Variants in IKBKB observed in about 807,000 individuals in gnomAD.
IKBKB encodes inhibitor of nuclear factor kappa-B kinase subunit beta.
A neutral mutation model predicts 113.6 loss-of-function variants in IKBKB; 42 were observed. That is an observed-to-expected ratio of 0.37 (90% CI 0.29 to 0.48). IKBKB has a LOEUF of 0.48. IKBKB is among the 20% of genes least tolerant of loss of function. The pLI, the probability that IKBKB is intolerant of heterozygous loss-of-function variation, is 0.99. For missense variants in IKBKB, 673 were observed against 939.7 expected (o/e 0.72, Z 3.71); for synonymous variants, 296 against 361.3 (o/e 0.82, Z 2.05).
chr8:42,295,706 C>A (rs1813640054), intron 5 of IKBKB, among the ~76,000 whole-genome samples: 1 of 151,220 alleles, frequency 6.6e-6, no homozygotes, highest in African/African-American at 2.4e-5. Context: ...CGCCTGGTGA[C>A]AGAGTGAGAC....
In IKBKB at chr8:42,309,034, G is replaced by T. The variant is rs1563341045; in HGVS notation, c.692+9G>T. ...TGGCAGCCCGTGCAGTGGTGAGTGG[G>T]CCCGGGGCACCTGGATGGAGGAGGG... On this transcript the variant is annotated intron_variant, in intron 8 of 21. Transcript: ENST00000520810. The T allele has an allele frequency of 6.2e-7, 1 of 1,612,056 alleles. No individual in the cohort carries two copies. Among genetic ancestry groups the T allele is most frequent in the Admixed American group, 1.7e-5 (1 of 59,846 alleles).
chr8:42,271,444 CCCCTGCCCCGCGT>C lies in IKBKB; in HGVS notation c.-36_-24del. ...GCCTTCCCCGCCCCGGGGAGCCCGC[CCCCTGCCCCGCGT>C]CCCTGCCGACAGGTGAGTCCCCCTC... On this transcript the variant is annotated 5_prime_UTR_variant, in exon 1 of 22. An upstream open reading frame in the 5' UTR loses its in-frame stop. Coordinates refer to ENST00000520810, the MANE Select transcript of IKBKB (RefSeq NM_001556.3). The C allele has an allele frequency of 7.0e-7, 1 of 1,427,502 alleles. No individual in the cohort carries two copies. The highest frequency in any genetic ancestry group is 9.5e-7 in the Non-Finnish European group (1 of 1,052,714). 88.4% of individuals were successfully genotyped at this position (1,427,502 alleles called of 1,614,324 possible).
chr8:42,315,514 G>A (rs1225793519), intron 9 of IKBKB, among the ~76,000 whole-genome samples: 1 of 152,282 alleles, frequency 6.6e-6, no homozygotes. Context: ...GGCAGGCTCT[G>A]CAGGGCCAGG....
At chr8:42,321,022 G>A in intron 16 of IKBKB, 178 bp downstream of exon 16, 1 of 494,114 alleles carries the variant, frequency 2.0e-6, no homozygotes. Context: ...TCTGTTCAGT[G>A]ACAAGAAAAA....
chr8:42,288,940 G>A (rs1285456940), intron 3 of IKBKB, among the ~76,000 whole-genome samples: 1 of 152,158 alleles, frequency 6.6e-6, no homozygotes, highest in Non-Finnish European at 1.5e-5. Context: ...AAAATTAGCC[G>A]GGCATGGGTG....
At position 42,316,899 on chromosome 8, in the gene IKBKB, G is replaced by A. The variant is rs758806135; in HGVS notation, c.1120G>A (p.Gly374Ser). 1.2e-5 allele frequency: 19 copies of A among 1,613,866 alleles called. No individual in the cohort carries two copies. The highest frequency in any genetic ancestry group is 9.3e-5 in the African/African-American group (7 of 74,996). Reference protein sequence around the residue: ...DKPATQCISDGKLNEGHTLDM... With the variant: ...DKPATQCISDSKLNEGHTLDM... ...GCCTGCCACTCAGTGTATTTCAGAC[G>A]GCAAGGTGAGCCCTGGCTTCGTACA... Residue 374 changes from glycine to serine, a missense_variant, in exon 11 of 22, where the codon GGC becomes AGC. Physicochemically the swap from Gly to Ser is moderately conservative, Grantham distance 56. Transcript: ENST00000520810. The surrounding 1 kb of genome is among the most constrained non-coding windows in gnomAD (Gnocchi z 4.5).
intron 4 of IKBKB, among the ~76,000 whole-genome samples, chr8:42,292,980 C>T (rs767488941): frequency 1.3e-5 from 2 of 152,174 alleles, no homozygotes; most frequent in African/African-American, 2.4e-5. Flanking sequence ...GCCCCTGGCA[C>T]GTAGTAAGTG....
intron 20 of IKBKB, among the ~76,000 whole-genome samples, chr8:42,327,127 A>G (rs1268410414): frequency 2.6e-5 from 4 of 152,182 alleles, no homozygotes; most frequent in Admixed American, 2.0e-4. Flanking sequence ...ATATCTCAAT[A>G]CAGTCTGCTT....
intron 20 of IKBKB, among the ~76,000 whole-genome samples, chr8:42,328,513 G>A (rs1317980282): frequency 6.6e-6 from 1 of 152,136 alleles, no homozygotes; most frequent in Non-Finnish European, 1.5e-5. Context: ...GTCCTCAAAG[G>A]TCTAGAAAGG....
chr8:42,319,552 T>C, intron 14 of IKBKB, 33 bp from the exon 15 acceptor site: 7 of 1,582,274 alleles, frequency 4.4e-6, no homozygotes, highest in Non-Finnish European at 6.0e-6. Context: ...TTATTTTGTT[T>C]TGTTTTGTTT....
intron 21 of IKBKB, chr8:42,330,203 C>G (rs1585845863): frequency 2.0e-6 from 2 of 985,298 alleles, no homozygotes; most frequent in South Asian, 4.7e-5. Flanking sequence ...CGTCGACTTT[C>G]TAATTCCCAC....
rs563669423 is a variant in IKBKB at position 42,295,448 on chromosome 8, C to T, written c.388+1936C>T. 1.6e-3 allele frequency among the ~76,000 whole-genome samples: 238 copies of T among 152,108 alleles called. 3 individuals are homozygous for T. In the Middle Eastern group the frequency reaches 0.024, roughly 15 times the overall value. The stretch of plus-strand genomic sequence containing the variant: ...GTCTTTAAATTATTGGCACAAGTGC[C>T]GGGCGCAGTGGCTCACGCCTGCAAT... On this transcript the variant is annotated intron_variant, in intron 5 of 21. Transcript: ENST00000520810.
intron 7 of IKBKB, among the ~76,000 whole-genome samples, chr8:42,307,623 C>T (rs1011188141): frequency 2.0e-5 from 3 of 152,086 alleles, no homozygotes; most frequent in African/African-American, 4.8e-5. Context: ...AAGGAGTCTG[C>T]GGCTTTCAGA....
chr8:42,313,410 C>T (rs76891399), intron 8 of IKBKB, among the ~76,000 whole-genome samples: 5,256 of 152,182 alleles, frequency 0.035, 100 homozygotes, highest in Non-Finnish European at 0.042. Context: ...ATGATTGTGC[C>T]ACTGCATTCC....
intron 5 of IKBKB, chr8:42,298,304 G>A: frequency 2.0e-6 from 2 of 985,444 alleles, no homozygotes; most frequent in Non-Finnish European, 2.4e-6. Flanking sequence ...CAGGTGGCCA[G>A]TCTGCTGTGG....
At chr8:42,329,555 C>G (rs1035955922) in intron 21 of IKBKB, 1 of 884,262 alleles carries the variant, frequency 1.1e-6, no homozygotes, top group African/African-American at 1.8e-5. Flanking sequence ...ATAGTGATGT[C>G]TAACAATTAT....
intron 8 of IKBKB, among the ~76,000 whole-genome samples, chr8:42,313,031 T>C (rs1046650000): frequency 2.6e-5 from 4 of 152,216 alleles, no homozygotes; most frequent in African/African-American, 7.2e-5. Context: ...AAAAATAATG[T>C]CTGCCACATG....
intron 5 of IKBKB, among the ~76,000 whole-genome samples, chr8:42,303,089 G>C (rs1393380393): frequency 7.5e-6 from 1 of 132,518 alleles, no homozygotes; most frequent in Non-Finnish European, 1.6e-5. Context: ...GAGAGAGAGA[G>C]AATGAGAGAG....
intron 2 of IKBKB, among the ~76,000 whole-genome samples, chr8:42,283,474 C>T (rs1172835061): frequency 2.6e-5 from 4 of 152,154 alleles, no homozygotes; most frequent in South Asian, 2.1e-4. Context: ...GGTTCTTAAA[C>T]GTGGGAGAAG....
Sources: allele counts gnomAD v4.1 joint callset (sites outside exome capture counted in the v4.1 genomes callset), GRCh38; gene constraint gnomAD v4.1.1; non-coding constraint Gnocchi (gnomAD v3.1); transcripts MANE v1.5; gene names NCBI Gene and HGNC (gene_info 2026-07-23, HGNC 2026-07-21).